Variants in IRF7 observed in about 807,000 individuals in gnomAD.
IRF7 encodes the protein interferon regulatory factor 7, also known as interferon regulatory factor-7H.
A neutral mutation model predicts 51.3 loss-of-function variants in IRF7; 67 were observed. The ratio of observed to expected loss-of-function variants is 1.31; its 90% CI spans 1.07 to 1.60. The LOEUF (loss-of-function observed/expected upper bound fraction) is 1.60. IRF7 is among the 40% of genes most tolerant of loss of function. The pLI is 0.00. For missense variants in IRF7, 873 were observed against 701.5 expected (o/e 1.24, Z -2.76); for synonymous variants, 427 against 301.3 (o/e 1.42, Z -4.32).
At position 614,497 on chromosome 11, in the gene IRF7, G is replaced by A. The variant is rs1307562712; in HGVS notation, c.432C>T (p.Pro144=). Reference sequence around the variant, plus strand: ...GTACCTGTGGTGGTGGGACAGCTGCGGGGGCCTCTGCCTCAGTCTGGTCCG... The same window carrying A: ...GTACCTGTGGTGGTGGGACAGCTGCAGGGGCCTCTGCCTCAGTCTGGTCCG... ...PGTDQTEAEA[P]AAVPPPQGGP... The change falls in exon 5 of 11, where the codon CCC becomes CCT. Residue 144 remains proline, a synonymous_variant. Coordinates refer to ENST00000525445, the MANE Select transcript of IRF7 (RefSeq NM_001572.5). 9.0e-6 allele frequency: 14 copies of A among 1,561,130 alleles called. No individual in the cohort carries two copies. The East Asian group carries it at 1.9e-4, about 21-fold the overall frequency.
At position 613,248 on chromosome 11, in the gene IRF7, TC is replaced by T. The variant is rs1390334394; in HGVS notation, c.1194del (p.Asn399ThrfsTer53). 10 of 1,597,308 alleles carry T rather than the reference TC, an allele frequency of 6.3e-6. No homozygotes were observed. Among genetic ancestry groups the T allele is most frequent in the African/African-American group, 1.3e-5 (1 of 74,310 alleles). ...AAGTCGAAGATGGGGGTGTCACAGTTCCGAGGCAGCAGGCAGGCTGGGGTGG... is the reference window on the plus strand; with the variant it reads ...AAGTCGAAGATGGGGGTGTCACAGTTCGAGGCAGCAGGCAGGCTGGGGTGG... Reference protein sequence around the residue: ...SPSTPACLLPRNCDTPIFDFR... With the variant: ...SPSTPACLLPXNCDTPIFDFR... On this transcript the variant is annotated frameshift_variant, in exon 9 of 11. Coordinates refer to ENST00000525445, the MANE Select transcript of IRF7 (RefSeq NM_001572.5). LOFTEE classifies it high-confidence loss of function.
chr11:613,843 G>A lies in IRF7; in HGVS notation c.789C>T (p.Ser263=), dbSNP rs951005314. 6.3e-7 allele frequency: 1 copy of A among 1,598,408 alleles called. No individual in the cohort carries two copies. Among genetic ancestry groups the A allele is most frequent in the Non-Finnish European group, 8.5e-7 (1 of 1,174,502 alleles). ...LTTGEAAAPE[S]PHQAEPYLSP... is the part of the protein sequence containing the mutation. Reference sequence around the variant, plus strand: ...ACAGGTACGGCTCTGCCTGGTGCGGGGACTCTGGGGCCGCGGCCTCGCCTG... The same window carrying A: ...ACAGGTACGGCTCTGCCTGGTGCGGAGACTCTGGGGCCGCGGCCTCGCCTG... Residue 263 remains serine (S), a synonymous_variant, in exon 8 of 11, where the codon TCC becomes TCT. Transcript: ENST00000525445.
In IRF7 at chr11:614,533, T is replaced by A; in HGVS notation, c.396A>T (p.Glu132Asp). The A allele has an allele frequency of 6.4e-7, 1 of 1,553,032 alleles. No individual in the cohort carries two copies. The highest frequency in any genetic ancestry group is 8.7e-7 in the Non-Finnish European group (1 of 1,147,958). ...YALSRELCWR[E>D]GPGTDQTEAE... is the part of the protein sequence containing the mutation. ...CCTCAGTCTGGTCCGTGCCTGGGCC[T>A]TCTGAGAGAGAATGGGGCAGGCGTT... The change falls in exon 5 of 11, where the codon GAA (glutamate) becomes GAT (aspartate). Residue 132 changes from glutamate to aspartate, a missense_variant and splice_region_variant. By Grantham distance (45) the Glu-to-Asp change is conservative (BLOSUM62 2). Coordinates refer to ENST00000525445, the MANE Select transcript of IRF7 (RefSeq NM_001572.5).
rs1228800640 is a variant in IRF7 at position 613,034 on chromosome 11, C to T, written c.1321G>A (p.Gly441Arg). 4 of 1,613,162 alleles carry T rather than the reference C, an allele frequency of 2.5e-6. No homozygotes were observed. The highest frequency in any genetic ancestry group is 1.3e-5 in the African/African-American group (1 of 75,066). Residue 441 changes from glycine (G) to arginine (R), a missense_variant, in exon 10 of 11, where the codon GGG (glycine) becomes AGG (arginine). Coordinates refer to ENST00000525445, the MANE Select transcript of IRF7 (RefSeq NM_001572.5). ...YLGFGQDLSA[G>R]RPKEKSLVLV... ...ACCAGGCTCTTCTCCTTGGGCCTCC[C>T]AGCTGACAGGTCCTGCCCGAAGCCC...
chr11:613,934 A>C lies in IRF7; in HGVS notation c.766+17T>G. 1 of 1,602,178 alleles carries C rather than the reference A, an allele frequency of 6.2e-7. No individual in the cohort carries two copies. On this transcript the variant is annotated intron_variant, in intron 7 of 10. Coordinates refer to ENST00000525445, the MANE Select transcript of IRF7 (RefSeq NM_001572.5). ...CTCTCCCTGTGCCCCAGGCCTCCCA[A>C]CCCCTACCCCTCTCACCTGTCGTTA...
chr11:612,880 G>T (rs913995275), intron 10 of IRF7, 80 bp from the exon 11 acceptor site: 9 of 1,590,594 alleles, frequency 5.7e-6, no homozygotes, highest in Non-Finnish European at 7.7e-6. Context: ...AGGGCGTCGG[G>T]CGTCTGTCAG....
At chr11:614,072 C>T (rs1419395461) in intron 6 of IRF7, 35 bp from the exon 7 acceptor site, 2 of 1,586,742 alleles carry the variant, frequency 1.3e-6, no homozygotes, top group Admixed American at 1.7e-5. Flanking sequence ...CGGTGGTCCC[C>T]TCCTAATTCT....
intron 4 of IRF7, 118 bp downstream of exon 4, chr11:614,679 G>T: frequency 7.2e-7 from 1 of 1,386,794 alleles, no homozygotes; most frequent in Non-Finnish European, 9.8e-7. Flanking sequence ...CACCTGTCCT[G>T]GGCCTGCTGG....
chr11:613,978 C>T lies in IRF7; in HGVS notation c.739G>A (p.Gly247Arg), dbSNP rs201379782. 848 of 1,606,940 alleles carry T rather than the reference C, an allele frequency of 5.3e-4. 5 individuals carry two copies. The Middle Eastern group carries it at 0.015, about 29-fold the overall frequency. The change falls in exon 7 of 11, where the codon GGG (glycine) becomes AGG (arginine). Residue 247 changes from glycine (G) to arginine (R), a missense_variant. Coordinates refer to ENST00000525445, the MANE Select transcript of IRF7 (RefSeq NM_001572.5). ...GTCGTTAGTGCCGCGGGCTGGGGCC[C>T]GGGGCTGGGGGTCGTCTCTACTGCC... Reference protein sequence around the residue: ...GWAVETTPSPGPQPAALTTGE... With the variant: ...GWAVETTPSPRPQPAALTTGE...
chr11:615,319 C>T lies in IRF7; in HGVS notation c.20+26G>A, dbSNP rs372703257. ...CTGCAGGGCGCTCGGGGACTGGCAT[C>T]TGGAGAGGGTGGGCCGGGCTCTTAC... On this transcript the variant is annotated intron_variant, in intron 2 of 10. Transcript: ENST00000525445. 12 of 1,565,052 alleles carry T rather than the reference C, an allele frequency of 7.7e-6. No individual in the cohort carries two copies. The African/African-American group carries it at 1.6e-4, about 21-fold the overall frequency.
rs1856792282 is a variant in IRF7, at chr11:615,499, TGAGG to T, written c.-139_-136del. 1.9e-6 allele frequency: 2 copies of T among 1,030,638 alleles called. No homozygotes were observed. Among genetic ancestry groups the T allele is most frequent in the Non-Finnish European group, 2.7e-6 (2 of 738,372 alleles). The allele number at this position is 1,030,638 out of a possible 1,614,324, so 63.8% of individuals were successfully genotyped here. On this transcript the variant is annotated 5_prime_UTR_variant, in exon 2 of 11. Transcript: ENST00000525445. ...GTCACAGGTGTCCACAGGTGTGGAC[TGAGG>T]GCTTGTAGCCACCGACGCTGCCTCG...
At position 613,395 on chromosome 11, in the gene IRF7, G is replaced by C. The variant is rs138994176; in HGVS notation, c.1048C>G (p.Leu350Val). 1.3e-6 allele frequency: 2 copies of C among 1,596,626 alleles called. No homozygotes were observed. Among genetic ancestry groups the C allele is most frequent in the Non-Finnish European group, 1.7e-6 (2 of 1,173,874 alleles). Residue 350 changes from leucine to valine, a missense_variant, in exon 9 of 11, where the codon CTG becomes GTG. By Grantham distance (32) the Leu-to-Val change is conservative. Transcript: ENST00000525445. ...QKQLRYTEELLRHVAPGLHLE... is the reference protein window; with the variant it reads ...QKQLRYTEELVRHVAPGLHLE... ...TGCAACCCAGGGGCCACGTGCCGCA[G>C]CAGTTCCTCCGTGTAGCGCAGCTGC... is the stretch of plus-strand genomic sequence containing the variant.
Position 615,221 on chromosome 11 carries a change from C to T in IRF7, c.59G>A (p.Gly20Glu), listed in dbSNP as rs898220003. 7 of 1,594,332 alleles carry T rather than the reference C, an allele frequency of 4.4e-6. No homozygotes were observed. Among genetic ancestry groups the T allele is most frequent in the Non-Finnish European group, 4.3e-6 (5 of 1,174,676 alleles). The part of the protein sequence containing the change: ...PRVLFGEWLL[G>E]EISSGCYEGL... ...CTCATAGCAGCCGCTGCTGATCTCT[C>T]CAAGGAGCCACTCTCCGAACAGCAC... Residue 20 changes from glycine to glutamate, a missense_variant, in exon 3 of 11, where the codon GGA (glycine) becomes GAA (glutamate). Transcript: ENST00000525445.
chr11:614,173 C>G lies in IRF7; in HGVS notation c.679+1G>C. ...CCCCCCCTCCCCGGGCACGCCCACA[C>G]CTCCAGCACAGGCCCCAGTCAGGGG... On this transcript the variant is annotated splice_donor_variant, in intron 6 of 10. Transcript: ENST00000525445. LOFTEE classifies it high-confidence loss of function. 1 of 1,612,160 alleles carries G rather than the reference C, an allele frequency of 6.2e-7. No individual in the cohort carries two copies. The highest frequency in any genetic ancestry group is 8.5e-7 in the Non-Finnish European group (1 of 1,179,604).
intron 3 of IRF7, 42 bp from the exon 4 acceptor site, chr11:615,049 C>G (rs753652989): frequency 6.4e-7 from 1 of 1,555,708 alleles, no homozygotes; most frequent in African/African-American, 1.4e-5. Flanking sequence ...CCCGCGGGGT[C>G]CTAGGCGGGC....
chr11:614,526 C>T lies in IRF7; in HGVS notation c.403G>A (p.Gly135Ser), dbSNP rs1350930645. ...GCCTCTGCCTCAGTCTGGTCCGTGCCTGGGCCTTCTGAGAGAGAATGGGGC... is the reference window on the plus strand; with the variant it reads ...GCCTCTGCCTCAGTCTGGTCCGTGCTTGGGCCTTCTGAGAGAGAATGGGGC... ...SRELCWREGP[G>S]TDQTEAEAPA... Residue 135 changes from glycine to serine, a missense_variant, in exon 5 of 11, where the codon GGC (glycine) becomes AGC (serine). Physicochemically the swap from Gly to Ser is moderately conservative, Grantham distance 56 (BLOSUM62 0). Transcript: ENST00000525445. 3 of 1,553,864 alleles carry T rather than the reference C, an allele frequency of 1.9e-6. No individual in the cohort carries two copies. The highest frequency in any genetic ancestry group is 1.2e-5 in the South Asian group (1 of 84,308).
chr11:613,662 C>CG (rs1334266769), intron 8 of IRF7, 67 bp from the exon 9 acceptor site: 7 of 213,190 alleles, frequency 3.3e-5, no homozygotes, highest in Non-Finnish European at 4.6e-5. Context: ...CGGGGGTGGG[C>CG]GGGGACAGGA....
rs768699608 is a variant in IRF7, at chr11:612,815, C to T, written c.1357-15G>A. Reference sequence around the variant, plus strand: ...CAGGGTTCCAGCTGCCAGGAGGGATCGGGCGTCTGTCAGTGACCCGGCGTG... The same window carrying T: ...CAGGGTTCCAGCTGCCAGGAGGGATTGGGCGTCTGTCAGTGACCCGGCGTG... On this transcript the variant is annotated splice_polypyrimidine_tract_variant and intron_variant, in intron 10 of 10. Transcript: ENST00000525445. 28 of 1,594,570 alleles carry T rather than the reference C, an allele frequency of 1.8e-5. 1 individual carries two copies. The highest frequency in any genetic ancestry group is 6.6e-5 in the South Asian group (6 of 90,408).
chr11:613,203 G>A lies in IRF7; in HGVS notation c.1237+3C>T. ...CAGCCCCCCAGGCAAGGGCCTCACTGACCTTGGAAGAAGACTCTGAAGTCG... is the reference window on the plus strand; with the variant it reads ...CAGCCCCCCAGGCAAGGGCCTCACTAACCTTGGAAGAAGACTCTGAAGTCG... On this transcript the variant is annotated splice_donor_region_variant and intron_variant, in intron 9 of 10. Coordinates refer to ENST00000525445, the MANE Select transcript of IRF7 (RefSeq NM_001572.5). 1.3e-6 allele frequency: 2 copies of A among 1,588,848 alleles called. No homozygotes were observed. Among genetic ancestry groups the A allele is most frequent in the Non-Finnish European group, 1.7e-6 (2 of 1,165,986 alleles).
Sources: allele counts gnomAD v4.1 joint callset, GRCh38; gene constraint gnomAD v4.1.1; transcripts MANE v1.5; gene names NCBI Gene and HGNC (gene_info 2026-07-23, HGNC 2026-07-21).